Variants in ANKRD55 observed in about 807,000 individuals in gnomAD.
ANKRD55 encodes ankyrin repeat domain 55.
A neutral mutation model predicts 60.6 loss-of-function variants in ANKRD55; 41 were observed. The ratio of observed to expected loss-of-function variants is 0.68; its 90% CI spans 0.53 to 0.88. ANKRD55 has a LOEUF of 0.88. Ranked by LOEUF, ANKRD55 falls within the 40% of genes least tolerant of loss-of-function variation. The probability of loss-of-function intolerance (pLI) is 0.00; values close to 1 mark genes in which losing one functional copy is unlikely to be tolerated. For missense variants in ANKRD55, 732 were observed against 767.6 expected, an observed-to-expected ratio of 0.95 and a Z score of 0.55; for synonymous variants, 264 against 290.3, an observed-to-expected ratio of 0.91 and a Z score of 0.92.
chr5:56,142,270 G>C (rs1027151312), intron 7 of ANKRD55, among the ~76,000 whole-genome samples: 2 of 152,152 alleles, frequency 1.3e-5, no homozygotes, highest in Non-Finnish European at 2.9e-5. Flanking sequence ...GGAGGTGGAG[G>C]TTGCAGTGAG....
At chr5:56,163,324 C>T (rs1438545563) in intron 5 of ANKRD55, among the ~76,000 whole-genome samples, 2 of 152,242 alleles carry the variant, frequency 1.3e-5, no homozygotes, top group East Asian at 3.9e-4. Flanking sequence ...CCTTGCTGTT[C>T]TGTGGTATGG....
intron 2 of ANKRD55, 110 bp downstream of exon 2, chr5:56,232,746 A>G: frequency 2.1e-6 from 1 of 468,102 alleles, no homozygotes; most frequent in Non-Finnish European, 3.3e-6. Context: ...ACGCACATGA[A>G]CACACACACA....
chr5:56,205,413 G>T (rs1166458719), intron 2 of ANKRD55, among the ~76,000 whole-genome samples: 1 of 152,196 alleles, frequency 6.6e-6, no homozygotes, highest in Non-Finnish European at 1.5e-5. Context: ...GTGGGTAGAA[G>T]TTGGAATTAA....
In ANKRD55 at chr5:56,116,666, G is replaced by T; in HGVS notation, c.914C>A (p.Ala305Asp). 1.9e-6 allele frequency: 3 copies of T among 1,613,122 alleles called. No homozygotes were observed. Among genetic ancestry groups the T allele is most frequent in the Non-Finnish European group, 2.5e-6 (3 of 1,179,536 alleles). ...ACACGCCGTGTGACCGCAGTACAGGGCATAGGCCAAGGGCGTGCTCTCATT... is the reference window on the plus strand; with the variant it reads ...ACACGCCGTGTGACCGCAGTACAGGTCATAGGCCAAGGGCGTGCTCTCATT... ...DINESTPLAY[A>D]LYCGHTACVK... Residue 305 changes from alanine to aspartate, a missense_variant, in exon 9 of 12, where the codon GCC becomes GAC. Physicochemically the swap from Ala to Asp is moderately radical, Grantham distance 126. Around this residue, in one of 3 missense-constraint regions of ANKRD55, gnomAD observed 597 missense variants for 607.5 expected, o/e 0.98. Coordinates refer to ENST00000341048, the MANE Select transcript of ANKRD55 (RefSeq NM_024669.3).
At chr5:56,186,324 C>T (rs1238878701) in intron 2 of ANKRD55, among the ~76,000 whole-genome samples, 3 of 152,152 alleles carry the variant, frequency 2.0e-5, no homozygotes, top group East Asian at 1.9e-4. Flanking sequence ...TGCACCACCA[C>T]GCCCAGCTAA....
At chr5:56,102,111 G>A (rs759469995) in intron 11 of ANKRD55, among the ~76,000 whole-genome samples, 1 of 152,168 alleles carries the variant, frequency 6.6e-6, no homozygotes, top group African/African-American at 2.4e-5. Flanking sequence ...GTAGGGCTGG[G>A]CGTGGTGGCT....
rs190339142 is a variant in ANKRD55 at position 56,146,345 on chromosome 5, C to T, written c.484-2416G>A. On this transcript the variant is annotated intron_variant, in intron 6 of 11. Transcript: ENST00000341048. ...TGTCGCCCAGGCTGGAGTGCAATGGCGCAATTTCGGCTCACTGCAACTGCC... is the reference window on the plus strand; with the variant it reads ...TGTCGCCCAGGCTGGAGTGCAATGGTGCAATTTCGGCTCACTGCAACTGCC... Among the ~76,000 whole-genome samples, 425 of 150,790 alleles carry T rather than the reference C, an allele frequency of 2.8e-3. 5 individuals are homozygous for T. The highest frequency in any genetic ancestry group is 4.5e-3 in the Admixed American group (68 of 15,134).
At chr5:56,103,238 T>A (rs926216747) in intron 10 of ANKRD55, among the ~76,000 whole-genome samples, 9 of 152,230 alleles carry the variant, frequency 5.9e-5, no homozygotes, top group Admixed American at 5.9e-4. Flanking sequence ...AGCCAGCTCT[T>A]GAGAGCTGAT....
intron 10 of ANKRD55, among the ~76,000 whole-genome samples, chr5:56,108,749 C>A (rs1756574404): frequency 6.6e-6 from 1 of 152,078 alleles, no homozygotes. Flanking sequence ...TTTAAAAAAA[C>A]ATATTGCAGC....
rs532357908 is a variant in ANKRD55 at position 56,178,193 on chromosome 5, C to CT, written c.182-1912dup. Among the ~76,000 whole-genome samples the CT allele has an allele frequency of 9.5e-3, 1,364 of 143,000 alleles. 16 individuals are homozygous for CT. Among genetic ancestry groups the CT allele is most frequent in the African/African-American group, 0.027 (1,059 of 39,242 alleles). The allele number at this position is 143,000 out of a possible 152,430, so 93.8% of individuals were successfully genotyped here. The stretch of plus-strand genomic sequence containing the variant: ...TGATTACTGAACAAATCTTTTCTTT[C>CT]TTTTTTTTTTTTTTGAGACGGCATC... On this transcript the variant is annotated intron_variant, in intron 3 of 11. Coordinates refer to ENST00000341048, the MANE Select transcript of ANKRD55 (RefSeq NM_024669.3).
intron 2 of ANKRD55, among the ~76,000 whole-genome samples, chr5:56,211,231 C>T (rs528533061): frequency 2.6e-5 from 4 of 152,264 alleles, no homozygotes; most frequent in South Asian, 2.1e-4. Flanking sequence ...ACAGTATCTC[C>T]GAGTCTCTAT....
chr5:56,210,151 G>T (rs1167539830), intron 2 of ANKRD55, among the ~76,000 whole-genome samples: 3 of 152,108 alleles, frequency 2.0e-5, no homozygotes, highest in Admixed American at 6.6e-5. Flanking sequence ...GGGACTACAG[G>T]AGTGTGCCAC....
intron 6 of ANKRD55, among the ~76,000 whole-genome samples, chr5:56,155,907 C>T (rs1343872649): frequency 6.7e-6 from 1 of 150,030 alleles, no homozygotes; most frequent in African/African-American, 2.5e-5. Flanking sequence ...CATATATATA[C>T]ACATACACAT....
At chr5:56,112,564 AGAG>A (rs1252332786) in intron 9 of ANKRD55, among the ~76,000 whole-genome samples, 3 of 150,216 alleles carry the variant, frequency 2.0e-5, no homozygotes, top group African/African-American at 7.4e-5. Context: ...CAGCGAGGGA[AGAG>A]GAGGAGTGCA....
chr5:56,230,412 C>A (rs1421725492), intron 2 of ANKRD55, among the ~76,000 whole-genome samples: 2 of 152,128 alleles, frequency 1.3e-5, no homozygotes, highest in East Asian at 1.9e-4. Context: ...TTAAGTACAG[C>A]CAATGTGAGA....
intron 10 of ANKRD55, among the ~76,000 whole-genome samples, chr5:56,107,133 CTG>C (rs1405039756): frequency 2.6e-5 from 4 of 151,606 alleles, no homozygotes; most frequent in Admixed American, 2.0e-4. Flanking sequence ...AACCCTATGA[CTG>C]TATCTAAACA....
intron 5 of ANKRD55, chr5:56,161,864 G>T: frequency 5.9e-6 from 3 of 506,172 alleles, no homozygotes; most frequent in Non-Finnish European, 7.6e-6. Flanking sequence ...TGTAGCCTTT[G>T]GTAGGAAGAC....
At chr5:56,179,538 T>A (rs902253790) in intron 3 of ANKRD55, among the ~76,000 whole-genome samples, 3 of 152,176 alleles carry the variant, frequency 2.0e-5, no homozygotes, top group Admixed American at 2.0e-4. Context: ...TGTTAAATTC[T>A]GCAAAATAAA....
intron 4 of ANKRD55, 73 bp from the exon 5 acceptor site, chr5:56,170,876 A>G: frequency 1.4e-6 from 2 of 1,386,510 alleles, no homozygotes; most frequent in South Asian, 1.2e-5. Context: ...CTTTCTCTAG[A>G]TTTTTTTCCC....
Sources: gnomAD v4.1 joint callset for allele counts (sites outside exome capture counted in the v4.1 genomes callset) on GRCh38, gnomAD v4.1.1 for gene constraint, gnomAD v4.1.1 regional missense constraint, MANE v1.5 for transcripts, NCBI Gene and HGNC (gene_info 2026-07-23, HGNC 2026-07-21) for gene names.